PPP1CC: variants seen among roughly 807,000 people sequenced by gnomAD.
The protein encoded by PPP1CC is serine/threonine-protein phosphatase PP1-gamma catalytic subunit.
PPP1CC carries 16 observed loss-of-function variants against 38.4 expected under a neutral mutation model. The ratio of observed to expected loss-of-function variants is 0.42; its 90% CI spans 0.28 to 0.63. The LOEUF is 0.63. Among genes scored for constraint, PPP1CC ranks in the 30% least tolerant of loss-of-function variants. The probability of loss-of-function intolerance (pLI) is 0.25; values close to 1 mark genes in which losing one functional copy is unlikely to be tolerated. For missense variants in PPP1CC, 170 were observed against 391.3 expected, an observed-to-expected ratio of 0.43 and a Z score of 4.77; for synonymous variants, 158 against 136.0, an observed-to-expected ratio of 1.16 and a Z score of -1.13.
rs900310125 is a variant in PPP1CC, at chr12:110,722,831, T to A, written c.524-136A>T. The A allele has an allele frequency of 1.4e-6, 1 of 723,326 alleles. No individual in the cohort carries two copies. The highest frequency in any genetic ancestry group is 2.2e-6 in the Non-Finnish European group (1 of 456,540). 44.8% of individuals were successfully genotyped at this position (723,326 alleles called of 1,614,324 possible). On this transcript the variant is annotated intron_variant, in intron 4 of 6. Transcript: ENST00000335007. The surrounding 1 kb of genome is among the most constrained non-coding windows in gnomAD (Gnocchi z 5.4). Reference sequence around the variant, plus strand: ...ACTGAAATCTATGATTATATTTTATTTACTTTTGGTTAAAAGAAAAAAACA... The same window carrying A: ...ACTGAAATCTATGATTATATTTTATATACTTTTGGTTAAAAGAAAAAAACA...
chr12:110,736,881 C>A (rs1346324087), intron 1 of PPP1CC, among the ~76,000 whole-genome samples: 2 of 152,114 alleles, frequency 1.3e-5, no homozygotes, highest in African/African-American at 4.8e-5. Context: ...ATAGCATATA[C>A]TAAAAAAGCC....
At position 110,735,836 on chromosome 12, in the gene PPP1CC, G is replaced by A. The variant is rs191905836; in HGVS notation, c.56-3935C>T. On this transcript the variant is annotated intron_variant, in intron 1 of 6. Transcript: ENST00000335007. Reference sequence around the variant, plus strand: ...TCCCAGCACTTTAGGAGTCCGAAGCGGGCGGATCACCTGAGGTAAGGAGTT... The same window carrying A: ...TCCCAGCACTTTAGGAGTCCGAAGCAGGCGGATCACCTGAGGTAAGGAGTT... 2.6e-3 allele frequency among the ~76,000 whole-genome samples: 401 copies of A among 151,766 alleles called. 3 individuals are homozygous for A. Among genetic ancestry groups the A allele is most frequent in the South Asian group, 8.9e-3 (43 of 4,806 alleles).
rs957478891 is a variant in PPP1CC at position 110,730,914 on chromosome 12, A to C, written c.188-155T>G. The stretch of plus-strand genomic sequence containing the variant: ...GGGCAGCCAACACTAAGTAATTTCC[A>C]ATCTTATATCATATTTAGTTCAACT... On this transcript the variant is annotated intron_variant, in intron 2 of 6. Coordinates refer to ENST00000335007, the MANE Select transcript of PPP1CC (RefSeq NM_002710.4). Among the ~76,000 whole-genome samples, 3 of 152,340 alleles carry C rather than the reference A, an allele frequency of 2.0e-5. No individual in the cohort carries two copies. The South Asian group carries it at 6.2e-4, about 32-fold the overall frequency.
chr12:110,725,367 T>A (rs578095668), intron 3 of PPP1CC: 3 of 152,238 alleles, frequency 2.0e-5, no homozygotes, highest in African/African-American at 7.2e-5. Context: ...TTAGCACCCA[T>A]CCCCCATATA....
In PPP1CC at chr12:110,724,497, C is replaced by T. The variant is rs1358872676; in HGVS notation, c.523+163G>A. 2.6e-5 allele frequency among the ~76,000 whole-genome samples: 4 copies of T among 152,146 alleles called. No individual in the cohort carries two copies. In the East Asian group the frequency reaches 7.7e-4, roughly 29 times the overall value. ...TAAATCAATTCCTTAAGATTTTTAT[C>T]CAAATGATCCTGGCTGTATCAGAGT... On this transcript the variant is annotated intron_variant, in intron 4 of 6. Transcript: ENST00000335007.
the PPP1CC span, among the ~76,000 whole-genome samples, chr12:110,712,543 G>A: frequency 1.3e-5 from 2 of 149,358 alleles, no homozygotes; most frequent in African/African-American, 2.5e-5. Flanking sequence ...GGGAGGCTGA[G>A]GCAGGAGAAT....
chr12:110,726,667 A>G (rs2136546325), intron 3 of PPP1CC: 1 of 152,202 alleles, frequency 6.6e-6, no homozygotes, highest in East Asian at 1.9e-4. Flanking sequence ...TTAATCCAAG[A>G]TGCTCCAAAA....
In PPP1CC at chr12:110,720,404, C is replaced by T; in HGVS notation, c.*672G>A. On this transcript the variant is annotated 3_prime_UTR_variant, in exon 7 of 7. Coordinates refer to ENST00000335007, the MANE Select transcript of PPP1CC (RefSeq NM_002710.4). ...AGGGGTGTGTCAAAACATAATTCAA[C>T]AGAAACTTTGGCTTTAGGAAAGAGT... is the stretch of plus-strand genomic sequence containing the variant. The T allele has an allele frequency of 2.1e-6, 1 of 479,308 alleles. No individual in the cohort carries two copies. Among genetic ancestry groups the T allele is most frequent in the Non-Finnish European group, 3.7e-6 (1 of 271,368 alleles). 29.7% of individuals were successfully genotyped at this position (479,308 alleles called of 1,614,324 possible).
intron 1 of PPP1CC, among the ~76,000 whole-genome samples, chr12:110,737,010 C>T (rs1372297499): frequency 6.6e-6 from 1 of 152,160 alleles, no homozygotes; most frequent in African/African-American, 2.4e-5. Flanking sequence ...ATAATTTTAA[C>T]AATATGCCAC....
At chr12:110,709,116 T>A in the PPP1CC span, among the ~76,000 whole-genome samples, 3 of 152,136 alleles carry the variant, frequency 2.0e-5, no homozygotes, top group East Asian at 5.8e-4. Flanking sequence ...TTCAGAAGAA[T>A]GGCAAAACCC....
chr12:110,737,080 A>G (rs949332347), intron 1 of PPP1CC, among the ~76,000 whole-genome samples: 1 of 152,232 alleles, frequency 6.6e-6, no homozygotes, highest in African/African-American at 2.4e-5. Context: ...TAGGAAAATA[A>G]GACTCAAACC....
the PPP1CC span, among the ~76,000 whole-genome samples, chr12:110,712,376 A>C: frequency 2.0e-5 from 3 of 151,976 alleles, no homozygotes; most frequent in African/African-American, 4.8e-5. Flanking sequence ...GTGGTGGTTC[A>C]TGCATGTCAT....
the PPP1CC span, among the ~76,000 whole-genome samples, chr12:110,709,193 G>A: frequency 6.6e-6 from 1 of 151,712 alleles, no homozygotes; most frequent in Admixed American, 6.6e-5. Context: ...TAATCAGATA[G>A]AACATAAAAT....
chr12:110,734,763 C>G (rs1412223617), intron 1 of PPP1CC: 2 of 153,518 alleles, frequency 1.3e-5, no homozygotes, highest in African/African-American at 2.4e-5. Flanking sequence ...TCTAGAATTA[C>G]TCTTAAATTT....
chr12:110,719,299 G>C (rs547965338), downstream of PPP1CC, among the ~76,000 whole-genome samples: 3 of 152,232 alleles, frequency 2.0e-5, no homozygotes, highest in South Asian at 6.2e-4. Context: ...ACCGGGGCTT[G>C]TTAGCAGAGG....
chr12:110,712,293 A>G, the PPP1CC span, among the ~76,000 whole-genome samples: 5 of 151,942 alleles, frequency 3.3e-5, no homozygotes, highest in African/African-American at 1.2e-4. Context: ...TATATATTAT[A>G]TAAAATAACA....
chr12:110,731,985 G>C (rs754286531), intron 1 of PPP1CC, 84 bp from the exon 2 acceptor site: 1 of 1,471,052 alleles, frequency 6.8e-7, no homozygotes, highest in Non-Finnish European at 9.3e-7. Context: ...CAAAAACATG[G>C]TTTAACTAGC....
At chr12:110,731,735 T>A (rs375531423) in intron 2 of PPP1CC, 35 bp downstream of exon 2, 1 of 1,587,406 alleles carries the variant, frequency 6.3e-7, no homozygotes, top group Non-Finnish European at 8.6e-7. Flanking sequence ...TAATCAATCA[T>A]GTAACAAAAG....
chr12:110,717,137 G>T (rs2069693702), downstream of PPP1CC, among the ~76,000 whole-genome samples: 1 of 152,216 alleles, frequency 6.6e-6, no homozygotes, highest in Non-Finnish European at 1.5e-5. Context: ...ACTAAGGCAA[G>T]TTGTAGATTT....
Sources: allele counts gnomAD v4.1 joint callset (sites outside exome capture counted in the v4.1 genomes callset), GRCh38; gene constraint gnomAD v4.1.1; non-coding constraint Gnocchi (gnomAD v3.1); transcripts MANE v1.5; gene names NCBI Gene and HGNC (gene_info 2026-07-23, HGNC 2026-07-21).